The following FAT3 variants were observed in gnomAD, a reference collection of about 807,000 sequenced individuals.
FAT3 encodes the protein protocadherin Fat 3.
FAT3 carries 95 observed loss-of-function variants against 310.2 expected under a neutral mutation model. That is an observed-to-expected ratio of 0.31 (90% confidence interval 0.26 to 0.36). The LOEUF is 0.36. Ranked by LOEUF, FAT3 falls within the 10% of genes least tolerant of loss-of-function variation. The pLI, the probability that FAT3 is intolerant of heterozygous loss-of-function variation, is 1.00. For synonymous variants in FAT3, 2,314 were observed against 2,192.9 expected (o/e 1.06, Z -1.54); for missense variants, 5,408 against 5,715.6 (o/e 0.95, Z 1.74).
intron 1 of FAT3, among the ~76,000 whole-genome samples, chr11:92,333,719 T>A (rs1947980228): frequency 6.6e-6 from 1 of 150,750 alleles, no homozygotes; most frequent in African/African-American, 2.4e-5. Context: ...TAAATATACA[T>A]CTTACCTTAA....
chr11:92,853,122 C>T (rs575105969), intron 19 of FAT3, among the ~76,000 whole-genome samples: 116 of 152,324 alleles, frequency 7.6e-4, no homozygotes, highest in African/African-American at 2.8e-3. Flanking sequence ...GCGAGCCAGG[C>T]GTGGAGTAGT....
At chr11:92,441,754 AC>A (rs1951068460) in intron 2 of FAT3, among the ~76,000 whole-genome samples, 1 of 152,134 alleles carries the variant, frequency 6.6e-6, no homozygotes, top group Non-Finnish European at 1.5e-5. Context: ...GCCTAAGTGG[AC>A]CTAGGTAAGA....
intron 3 of FAT3, among the ~76,000 whole-genome samples, chr11:92,540,266 T>C (rs902615976): frequency 2.0e-5 from 3 of 152,164 alleles, no homozygotes; most frequent in African/African-American, 7.2e-5. Context: ...CACTAGGCTC[T>C]GAAGGGTGAC....
chr11:92,311,198 T>C (rs1368879230), intron 1 of FAT3, among the ~76,000 whole-genome samples: 1 of 152,130 alleles, frequency 6.6e-6, no homozygotes. Flanking sequence ...TTAAGAATCA[T>C]TTCAAAAACA....
intron 13 of FAT3, 23 bp from the exon 14 acceptor site, chr11:92,831,599 A>G (rs753761372): frequency 1.9e-6 from 3 of 1,594,304 alleles, no homozygotes; most frequent in Non-Finnish European, 2.6e-6. Context: ...TTGCCCACTC[A>G]TTTTCCTGTG....
intron 2 of FAT3, among the ~76,000 whole-genome samples, chr11:92,483,299 A>T (rs777339422): frequency 2.7e-5 from 4 of 149,994 alleles, no homozygotes; most frequent in Non-Finnish European, 4.5e-5. Flanking sequence ...TATCAAACAC[A>T]TCTTTTTTTA....
At chr11:92,402,404 C>A (rs1373524669) in intron 2 of FAT3, among the ~76,000 whole-genome samples, 1 of 151,768 alleles carries the variant, frequency 6.6e-6, no homozygotes, top group Non-Finnish European at 1.5e-5. Context: ...ATTTTCTGTC[C>A]TAGGGGAGAA....
chr11:92,715,016 T>C (rs1490065230), intron 4 of FAT3, among the ~76,000 whole-genome samples: 1 of 151,998 alleles, frequency 6.6e-6, no homozygotes, highest in East Asian at 1.9e-4. Flanking sequence ...GGTTGTTTTT[T>C]GTTACATGGA....
At chr11:92,803,566 A>T (rs1947424490) in intron 10 of FAT3, among the ~76,000 whole-genome samples, 1 of 152,226 alleles carries the variant, frequency 6.6e-6, no homozygotes, top group Admixed American at 6.5e-5. Context: ...GAAGCTCCCT[A>T]GAGCAGGGTT....
intron 2 of FAT3, among the ~76,000 whole-genome samples, chr11:92,407,252 G>T (rs1339835319): frequency 6.6e-6 from 1 of 152,162 alleles, no homozygotes; most frequent in African/African-American, 2.4e-5. Context: ...ATTTTCGAGA[G>T]AATGAGTTTT....
chr11:92,826,012 C>A (rs1476227590), intron 13 of FAT3, among the ~76,000 whole-genome samples: 1 of 151,992 alleles, frequency 6.6e-6, no homozygotes, highest in East Asian at 1.9e-4. Flanking sequence ...AATTCTTCAC[C>A]AAGTTGCTAA....
At chr11:92,369,416 T>C (rs1949122826) in intron 2 of FAT3, among the ~76,000 whole-genome samples, 1 of 152,188 alleles carries the variant, frequency 6.6e-6, no homozygotes, top group Non-Finnish European at 1.5e-5. Flanking sequence ...TTTTAGGTTG[T>C]CACTTCTCTT....
At chr11:92,871,829 C>T (rs1465211192) in intron 22 of FAT3, among the ~76,000 whole-genome samples, 4 of 152,128 alleles carry the variant, frequency 2.6e-5, no homozygotes, top group Non-Finnish European at 5.9e-5. Flanking sequence ...TCTATGCACA[C>T]CCATTGTTTA....
intron 2 of FAT3, among the ~76,000 whole-genome samples, chr11:92,446,769 A>G (rs1951221759): frequency 6.6e-6 from 1 of 152,184 alleles, no homozygotes; most frequent in Non-Finnish European, 1.5e-5. Context: ...AGGATCTTCT[A>G]GTTTTTGACC....
chr11:92,309,252 C>T (rs1319014345), intron 1 of FAT3, among the ~76,000 whole-genome samples: 1 of 148,032 alleles, frequency 6.8e-6, no homozygotes, highest in Non-Finnish European at 1.5e-5. Context: ...TGTTCTAATG[C>T]TCATTCCATA....
At position 92,867,183 on chromosome 11, in the gene FAT3, G is replaced by T. The variant is rs1387778812; in HGVS notation, c.12101G>T (p.Gly4034Val). 2 of 1,586,426 alleles carry T rather than the reference G, an allele frequency of 1.3e-6. No homozygotes were observed. The highest frequency in any genetic ancestry group is 1.8e-5 in the Admixed American group (1 of 56,852). Reference sequence around the variant, plus strand: ...AAGCGCAGCCCGTGCCAGCACGGGGGCAGCTGCACTGGCCTGCCATCGGGG... The same window carrying T: ...AAGCGCAGCCCGTGCCAGCACGGGGTCAGCTGCACTGGCCTGCCATCGGGG... ...ACKRSPCQHG[G>V]SCTGLPSGGY... Residue 4034 changes from glycine (G) to valine (V), a missense_variant, in exon 22 of 28, where the codon GGC becomes GTC. By Grantham distance (109) the Gly-to-Val change is moderately radical (BLOSUM62 -3). Around this residue, in one of 5 missense-constraint regions of FAT3, gnomAD observed 4,588 missense variants for 4,809.8 expected, o/e 0.95. Coordinates refer to ENST00000525166, the MANE Select transcript of FAT3 (RefSeq NM_001367949.2).
intron 1 of FAT3, among the ~76,000 whole-genome samples, chr11:92,306,461 TTTATATATATATAAAC>T (rs1183066429): frequency 3.6e-5 from 5 of 138,888 alleles, no homozygotes; most frequent in African/African-American, 1.3e-4. Context: ...GGCTCTCCAC[TTTATATATATATAAAC>T]TTATATATAT....
rs539975932 is a variant in FAT3, at chr11:92,356,879, A to G, written c.3292+1475A>G. ...GATTTAAGAAACTATATTAAATATT[A>G]GGTAGCAAGAAAGCTACATGTACCA... On this transcript the variant is annotated intron_variant, in intron 2 of 27. Coordinates refer to ENST00000525166, the MANE Select transcript of FAT3 (RefSeq NM_001367949.2). Among the ~76,000 whole-genome samples, 7 of 152,332 alleles carry G rather than the reference A, an allele frequency of 4.6e-5. No individual in the cohort carries two copies. The East Asian group carries it at 1.4e-3, about 29-fold the overall frequency.
chr11:92,532,312 T>C (rs1232118836), intron 3 of FAT3, among the ~76,000 whole-genome samples: 2 of 152,192 alleles, frequency 1.3e-5, no homozygotes, highest in African/African-American at 2.4e-5. Context: ...AACTGACCAT[T>C]CTTCATCAAA....
Sources: allele counts gnomAD v4.1 joint callset (sites outside exome capture counted in the v4.1 genomes callset), GRCh38; gene constraint gnomAD v4.1.1; regional missense constraint gnomAD v4.1.1; transcripts MANE v1.5; gene names NCBI Gene and HGNC (gene_info 2026-07-23, HGNC 2026-07-21).